TIAL1: variants seen among roughly 807,000 people sequenced by gnomAD.
TIAL1 encodes the protein TIA1 cytotoxic granule associated RNA binding protein like 1, also known as nucleolysin TIAR.
TIAL1 carries 7 observed loss-of-function variants against 59.7 expected under a neutral mutation model. The observed-to-expected ratio is 0.12, with a 90% CI of 0.07 to 0.22. The LOEUF is 0.22. Ranked by LOEUF, TIAL1 falls within the 10% of genes least tolerant of loss-of-function variation. TIAL1 has a pLI of 1.00. For synonymous variants in TIAL1, 149 were observed against 146.3 expected, an observed-to-expected ratio of 1.02 and a Z score of -0.13; for missense variants, 225 against 462.5, an observed-to-expected ratio of 0.49 and a Z score of 4.71.
At chr10:119,576,860 G>C (rs1845019290) in intron 10 of TIAL1, 110 bp from the exon 11 acceptor site, 2 of 1,440,434 alleles carry the variant, frequency 1.4e-6, no homozygotes, top group African/African-American at 1.4e-5. Context: ...TATGTGAATA[G>C]GACTCTGTTA....
chr10:119,591,717 G>T (rs772134169), intron 1 of TIAL1, among the ~76,000 whole-genome samples: 2 of 152,038 alleles, frequency 1.3e-5, no homozygotes, highest in Non-Finnish European at 2.9e-5. Context: ...GGATTAAAAG[G>T]CCATGATTCA....
At position 119,588,327 on chromosome 10, in the gene TIAL1, TTTTCTTTCTTTC is replaced by T. The variant is rs72518192; in HGVS notation, c.33-91_33-80del. 7.7e-4 allele frequency: 384 copies of T among 498,688 alleles called. 2 individuals carry two copies. Among genetic ancestry groups the T allele is most frequent in the Non-Finnish European group, 5.1e-5 (15 of 296,102 alleles). The allele number at this position is 498,688 out of a possible 1,614,324, so 30.9% of individuals were successfully genotyped here. A position where few individuals can be genotyped will look rare whatever the true frequency, so the allele number is the denominator to read the frequency against. Reference sequence around the variant, plus strand: ...ATGTGTTATCATCTAATTCATCACCTTTTCTTTCTTTCTTTCTTTCTTTCTTTTTTTTTTAGA... The same window carrying T: ...ATGTGTTATCATCTAATTCATCACCTTTTCTTTCTTTCTTTTTTTTTTAGA... On this transcript the variant is annotated intron_variant, in intron 1 of 11. Transcript: ENST00000436547.
chr10:119,594,657 G>C (rs997579998), intron 1 of TIAL1, among the ~76,000 whole-genome samples: 4 of 151,960 alleles, frequency 2.6e-5, no homozygotes, highest in Non-Finnish European at 4.4e-5. Flanking sequence ...ACGAACTCTC[G>C]CTCTGTCACC....
Position 119,577,208 on chromosome 10 carries a change from G to A in TIAL1, c.738-5C>T. On this transcript the variant is annotated splice_polypyrimidine_tract_variant and splice_region_variant and intron_variant, in intron 9 of 11. Coordinates refer to ENST00000436547, the MANE Select transcript of TIAL1 (RefSeq NM_003252.4). ...GCACTTTCATGGGTTGAAAATCTAA[G>A]AAAGAAAAATGATATGGTTTTGTCT... The A allele has an allele frequency of 6.3e-7, 1 of 1,590,364 alleles. No individual in the cohort carries two copies. Among genetic ancestry groups the A allele is most frequent in the Non-Finnish European group, 8.5e-7 (1 of 1,173,588 alleles).
chr10:119,595,377 T>C (rs1172503328), intron 1 of TIAL1, among the ~76,000 whole-genome samples: 4 of 150,428 alleles, frequency 2.7e-5, no homozygotes, highest in African/African-American at 9.9e-5. Context: ...GTGCTAGACC[T>C]GGAGAGGCCG....
Position 119,596,936 on chromosome 10 carries a change from C to T in TIAL1, c.-471G>A, listed in dbSNP as rs1025626309. On this transcript the variant is annotated 5_prime_UTR_variant, in exon 1 of 12. Transcript: ENST00000436547. ...GCCGAAGTCTCTGGGAATTGTGGTCCTGGAAATGAGAGAGGGAAGCACTTC... is the reference window on the plus strand; with the variant it reads ...GCCGAAGTCTCTGGGAATTGTGGTCTTGGAAATGAGAGAGGGAAGCACTTC... The T allele has an allele frequency of 5.6e-6, 1 of 178,440 alleles. No homozygotes were observed. 11.1% of individuals were successfully genotyped at this position (178,440 alleles called of 1,614,324 possible).
chr10:119,585,821 G>T (rs1845545470), intron 2 of TIAL1, among the ~76,000 whole-genome samples: 1 of 152,080 alleles, frequency 6.6e-6, no homozygotes, highest in African/African-American at 2.4e-5. Context: ...TGCTGCTTCT[G>T]TGATTCCTTT....
intron 5 of TIAL1, 37 bp downstream of exon 5, chr10:119,581,885 T>C: frequency 6.9e-7 from 1 of 1,444,154 alleles, no homozygotes; most frequent in Non-Finnish European, 9.7e-7. Flanking sequence ...CAATTCTGCC[T>C]ATCATGACTG....
chr10:119,575,734 T>C lies in TIAL1; in HGVS notation c.1059A>G (p.Gln353=). 6.2e-7 allele frequency: 1 copy of C among 1,609,568 alleles called. No homozygotes were observed. The highest frequency in any genetic ancestry group is 2.3e-5 in the East Asian group (1 of 44,420). ...GAGGAGGTATTACAGGGGGAGGAGC[T>C]TGTCCTTGGGGAGGCTGAGCACCAA... ...GGFGAQPPQG[Q]APPPVIPPPN... is the part of the protein sequence containing the mutation. The change falls in exon 12 of 12, where the codon CAA becomes CAG. Residue 353 remains glutamine (Q), a synonymous_variant. Coordinates refer to ENST00000436547, the MANE Select transcript of TIAL1 (RefSeq NM_003252.4).
rs748598210 is a variant in TIAL1, at chr10:119,582,273, A to G, written c.229-50T>C. 2 of 1,511,128 alleles carry G rather than the reference A, an allele frequency of 1.3e-6. No homozygotes were observed. The highest frequency in any genetic ancestry group is 4.0e-5 in the Admixed American group (2 of 49,776). 93.6% of individuals were successfully genotyped at this position (1,511,128 alleles called of 1,614,324 possible). The stretch of plus-strand genomic sequence containing the variant: ...AAAATTATTAGGCATGTCATGAGTT[A>G]CAACACTTACCACTTATTAAATCAT... On this transcript the variant is annotated intron_variant, in intron 3 of 11. Coordinates refer to ENST00000436547, the MANE Select transcript of TIAL1 (RefSeq NM_003252.4). This position sits in a 1 kb window ranked among gnomAD's most constrained non-coding sequence, Gnocchi z 5.1.
chr10:119,585,702 G>A (rs1246364116), intron 2 of TIAL1, among the ~76,000 whole-genome samples: 1 of 152,076 alleles, frequency 6.6e-6, no homozygotes, highest in Admixed American at 6.6e-5. Context: ...ATTTTCTAGT[G>A]AGTCTTTCCC....
Position 119,582,169 on chromosome 10 carries a change from T to G in TIAL1, c.283A>C (p.Asn95His). Residue 95 changes from asparagine to histidine, a missense_variant and splice_region_variant, in exon 4 of 12, where the codon AAT becomes CAT. Coordinates refer to ENST00000436547, the MANE Select transcript of TIAL1 (RefSeq NM_003252.4). This position sits in a 1 kb window ranked among gnomAD's most constrained non-coding sequence, Gnocchi z 5.1. ...AGTAAAATGCAGCAGGAGTACTTAC[T>G]GGAAGTATCTTTTTTCTGGCTACTT... ...TPSSQKKDTS[N>H]HFHVFVGDLS... The G allele has an allele frequency of 6.2e-7, 1 of 1,607,718 alleles. No homozygotes were observed. The highest frequency in any genetic ancestry group is 8.5e-7 in the Non-Finnish European group (1 of 1,177,928).
intron 10 of TIAL1, 82 bp from the exon 11 acceptor site, chr10:119,576,832 A>G: frequency 1.3e-6 from 2 of 1,549,352 alleles, no homozygotes; most frequent in Non-Finnish European, 1.7e-6. Flanking sequence ...AGGAAGAGAA[A>G]AACTAAGTAA....
intron 11 of TIAL1, 21 bp from the exon 12 acceptor site, chr10:119,575,812 T>TTGTA (rs748494294): frequency 6.6e-7 from 1 of 1,509,364 alleles, no homozygotes; most frequent in Non-Finnish European, 8.8e-7. Flanking sequence ...AAAGAAAAAA[T>TTGTA]CTTCAGCAAA....
chr10:119,579,682 T>C (rs1216332209), intron 6 of TIAL1, among the ~76,000 whole-genome samples: 1 of 152,238 alleles, frequency 6.6e-6, no homozygotes, highest in Non-Finnish European at 1.5e-5. Flanking sequence ...TAAATCCATC[T>C]GACCTTTACC....
intron 2 of TIAL1, among the ~76,000 whole-genome samples, chr10:119,585,168 G>C (rs2133980902): frequency 6.8e-6 from 1 of 147,358 alleles, no homozygotes; most frequent in East Asian, 2.0e-4. Flanking sequence ...TGGGTGCAGT[G>C]TCTCATGCCT....
intron 1 of TIAL1, among the ~76,000 whole-genome samples, chr10:119,595,288 G>A (rs572056348): frequency 6.6e-6 from 1 of 152,110 alleles, no homozygotes; most frequent in African/African-American, 2.4e-5. Context: ...GCAGAGCCAA[G>A]TGGACTATGA....
intron 7 of TIAL1, 37 bp downstream of exon 7, chr10:119,578,689 G>C: frequency 6.7e-7 from 1 of 1,482,234 alleles, no homozygotes; most frequent in Non-Finnish European, 9.4e-7. Flanking sequence ...ATTTTGTGAA[G>C]AATATAATTT....
chr10:119,596,654 G>A lies in TIAL1; in HGVS notation c.-189C>T. 1.7e-6 allele frequency: 1 copy of A among 597,900 alleles called. No homozygotes were observed. The highest frequency in any genetic ancestry group is 3.0e-6 in the Non-Finnish European group (1 of 337,340). 37.0% of individuals were successfully genotyped at this position (597,900 alleles called of 1,614,324 possible). A position where few individuals can be genotyped will look rare whatever the true frequency, so the allele number is the denominator to read the frequency against. Reference sequence around the variant, plus strand: ...GCGCTCCAACCAGGAGGAGCAGGAGGAGGAGGAGGATGAACAAAATGGCCG... The same window carrying A: ...GCGCTCCAACCAGGAGGAGCAGGAGAAGGAGGAGGATGAACAAAATGGCCG... On this transcript the variant is annotated 5_prime_UTR_variant, in exon 1 of 12. Transcript: ENST00000436547.
Sources: allele counts gnomAD v4.1 joint callset (sites outside exome capture counted in the v4.1 genomes callset), GRCh38; gene constraint gnomAD v4.1.1; non-coding constraint Gnocchi (gnomAD v3.1); transcripts MANE v1.5; gene names NCBI Gene and HGNC (gene_info 2026-07-23, HGNC 2026-07-21).